GCSH: variants seen among roughly 807,000 people sequenced by gnomAD.
GCSH encodes glycine cleavage system H protein, mitochondrial.
A neutral mutation model predicts 21.3 loss-of-function variants in GCSH; 15 were observed. The observed-to-expected ratio is 0.70, with a 90% CI of 0.47 to 1.08. The LOEUF is 1.08. Ranked by LOEUF, GCSH falls within the 50% of genes least tolerant of loss-of-function variation. GCSH has a pLI of 0.00. For synonymous variants in GCSH, 59 were observed against 84.5 expected (o/e 0.70, Z 1.66); for missense variants, 179 against 217.5 (o/e 0.82, Z 1.11).
rs982485108 is a variant in GCSH, at chr16:81,096,361, G to A, written c.-83C>T. On this transcript the variant is annotated 5_prime_UTR_variant, in exon 1 of 5. Transcript: ENST00000315467. ...GGGCGGGGAGGGGCAGTTCGCGGCC[G>A]GAGGGAGCCGGCTGGATGGAGGCGC... 47 of 1,223,248 alleles carry A rather than the reference G, an allele frequency of 3.8e-5. 1 individual carries two copies. The Admixed American group carries it at 1.8e-3, about 47-fold the overall frequency. The allele number at this position is 1,223,248 out of a possible 1,614,324, so 75.8% of individuals were successfully genotyped here.
Position 81,091,155 on chromosome 16 carries a change from T to C in GCSH, c.149-475A>G, listed in dbSNP as rs752512818. Reference sequence around the variant, plus strand: ...TAATCAGGTGCCTCTTTAGGCAGAGTTGACCTAAGAGAGCTTCAGTGCAGC... The same window carrying C: ...TAATCAGGTGCCTCTTTAGGCAGAGCTGACCTAAGAGAGCTTCAGTGCAGC... On this transcript the variant is annotated intron_variant, in intron 1 of 4. Coordinates refer to ENST00000315467, the MANE Select transcript of GCSH (RefSeq NM_004483.5). 48 of 444,720 alleles carry C rather than the reference T, an allele frequency of 1.1e-4. 1 individual carries two copies. The highest frequency in any genetic ancestry group is 1.4e-4 in the East Asian group (2 of 14,370). 27.5% of individuals were successfully genotyped at this position (444,720 alleles called of 1,614,324 possible).
chr16:81,096,025 C>G (rs1972499382), intron 1 of GCSH, 106 bp downstream of exon 1: 1 of 978,344 alleles, frequency 1.0e-6, no homozygotes, highest in Admixed American at 4.3e-5. Context: ...TCGCTCCGCC[C>G]CGGTGGCTCA....
In GCSH at chr16:81,082,873, T is replaced by C; in HGVS notation, c.515A>G (p.Glu172Gly). The C allele has an allele frequency of 2.4e-6, 3 of 1,260,794 alleles. No homozygotes were observed. The highest frequency in any genetic ancestry group is 1.9e-4 in the Middle Eastern group (1 of 5,338). 78.1% of individuals were successfully genotyped at this position (1,260,794 alleles called of 1,614,324 possible). The change falls in exon 5 of 5, where the codon GAG becomes GGG. Residue 172 changes from glutamate (E) to glycine (G), a missense_variant. Coordinates refer to ENST00000315467, the MANE Select transcript of GCSH (RefSeq NM_004483.5). ...EAYEKYIKSI[E>G]E ...TATTTAGGAGTTCCATTTTCACTCCTCAATAGATTTTATGTATTTCTCATA... is the reference window on the plus strand; with the variant it reads ...TATTTAGGAGTTCCATTTTCACTCCCCAATAGATTTTATGTATTTCTCATA...
rs563018187 is a variant in GCSH at position 81,082,763 on chromosome 16, G to C, written c.*103C>G. 187 of 665,708 alleles carry C rather than the reference G, an allele frequency of 2.8e-4. No individual in the cohort carries two copies. The African/African-American group carries it at 3.1e-3, about 11-fold the overall frequency. 41.2% of individuals were successfully genotyped at this position (665,708 alleles called of 1,614,324 possible). ...AACAGTAGTTTTTTTTTCCCCATCG[G>C]TAATACTAAAAGTTTCTATTCTAAG... is the stretch of plus-strand genomic sequence containing the variant. On this transcript the variant is annotated 3_prime_UTR_variant, in exon 5 of 5. Transcript: ENST00000315467.
At chr16:81,088,907 C>T (rs1306575975) in intron 2 of GCSH, among the ~76,000 whole-genome samples, 1 of 152,150 alleles carries the variant, frequency 6.6e-6, no homozygotes, top group African/African-American at 2.4e-5. Context: ...CCCCACCGTT[C>T]CGATGCCATC....
At chr16:81,090,480 C>T (rs1158695009) in intron 2 of GCSH, 121 bp downstream of exon 2, 1 of 747,254 alleles carries the variant, frequency 1.3e-6, no homozygotes, top group Non-Finnish European at 2.4e-6. Context: ...CCTCAGCCTC[C>T]CAAAGTGTTG....
chr16:81,091,321 T>C, intron 1 of GCSH: 1 of 340,056 alleles, frequency 2.9e-6, no homozygotes. Context: ...AAGAAGAAAA[T>C]TAAGATCACA....
intron 1 of GCSH, among the ~76,000 whole-genome samples, chr16:81,091,511 G>C (rs1972396545): frequency 6.6e-6 from 1 of 152,102 alleles, no homozygotes; most frequent in Non-Finnish European, 1.5e-5. Flanking sequence ...AGTTATTTAG[G>C]ATATAAAGTT....
At chr16:81,084,709 TTC>T (rs1367161477) in intron 3 of GCSH, 115 bp from the exon 4 acceptor site, 10 of 778,466 alleles carry the variant, frequency 1.3e-5, no homozygotes, top group South Asian at 5.0e-5. Flanking sequence ...AATTCCAAAT[TTC>T]TTTTTTTTTT....
At chr16:81,092,164 CAGA>C (rs1338215444) in intron 1 of GCSH, among the ~76,000 whole-genome samples, 1 of 152,018 alleles carries the variant, frequency 6.6e-6, no homozygotes, top group Non-Finnish European at 1.5e-5. Context: ...GGTCTAGATT[CAGA>C]AGTCCGTTCC....
At chr16:81,089,480 C>A (rs1032988679) in intron 2 of GCSH, among the ~76,000 whole-genome samples, 2 of 152,154 alleles carry the variant, frequency 1.3e-5, no homozygotes, top group Non-Finnish European at 1.5e-5. Context: ...AGTACAGTAA[C>A]ATGCTGTACA....
chr16:81,085,107 C>T (rs1298910337), intron 3 of GCSH, among the ~76,000 whole-genome samples: 1 of 146,944 alleles, frequency 6.8e-6, no homozygotes, highest in Non-Finnish European at 1.5e-5. Flanking sequence ...CTCTGCCTCC[C>T]GGGTTCAAGC....
chr16:81,091,487 T>C (rs1972396119), intron 1 of GCSH, among the ~76,000 whole-genome samples: 1 of 152,164 alleles, frequency 6.6e-6, no homozygotes, highest in African/African-American at 2.4e-5. Flanking sequence ...CGGCCAATGT[T>C]CAAGAGTAAA....
chr16:81,095,350 G>C (rs1239507488), intron 1 of GCSH, among the ~76,000 whole-genome samples: 1 of 149,796 alleles, frequency 6.7e-6, no homozygotes, highest in Non-Finnish European at 1.5e-5. Flanking sequence ...GTTTTATCTA[G>C]TAAAAAAATC....
chr16:81,087,839 CTCAG>C (rs1226319292), intron 2 of GCSH, among the ~76,000 whole-genome samples, 175 bp from the exon 3 acceptor site: 3 of 152,144 alleles, frequency 2.0e-5, no homozygotes, highest in Admixed American at 2.0e-4. Context: ...AAAAACTACT[CTCAG>C]TCAGGTGTGG....
Position 81,091,298 on chromosome 16 carries a change from C to T in GCSH, c.149-618G>A, listed in dbSNP as rs1243762854. On this transcript the variant is annotated intron_variant, in intron 1 of 4. Coordinates refer to ENST00000315467, the MANE Select transcript of GCSH (RefSeq NM_004483.5). Reference sequence around the variant, plus strand: ...TTCAAGCCTAACCTTGAAGATAGCACTACCATCGCTTAAAGAAGAAAATTA... The same window carrying T: ...TTCAAGCCTAACCTTGAAGATAGCATTACCATCGCTTAAAGAAGAAAATTA... The T allele has an allele frequency of 4.1e-5, 14 of 344,990 alleles. No homozygotes were observed. In the East Asian group the frequency reaches 1.0e-3, roughly 25 times the overall value. 21.4% of individuals were successfully genotyped at this position (344,990 alleles called of 1,614,324 possible).
chr16:81,089,644 C>CA (rs778599656), intron 2 of GCSH, among the ~76,000 whole-genome samples: 11 of 151,518 alleles, frequency 7.3e-5, no homozygotes, highest in South Asian at 2.1e-4. Flanking sequence ...CATTAAGTGA[C>CA]ACGAGTGCAT....
chr16:81,083,208 A>T (rs1039273654), intron 4 of GCSH: 1 of 506,616 alleles, frequency 2.0e-6, no homozygotes, highest in Non-Finnish European at 3.6e-6. Context: ...TGTAATAAGC[A>T]TCAGAAAATG....
At chr16:81,087,924 G>A (rs1184830568) in intron 2 of GCSH, among the ~76,000 whole-genome samples, 6 of 152,044 alleles carry the variant, frequency 3.9e-5, no homozygotes, top group Non-Finnish European at 7.4e-5. Flanking sequence ...TCAGAAGTTC[G>A]AGACCAGCCT....
Sources: allele counts gnomAD v4.1 joint callset (sites outside exome capture counted in the v4.1 genomes callset), GRCh38; gene constraint gnomAD v4.1.1; transcripts MANE v1.5; gene names NCBI Gene and HGNC (gene_info 2026-07-23, HGNC 2026-07-21).